RIMS2: variants seen among roughly 807,000 people sequenced by gnomAD.
The protein encoded by RIMS2 is regulating synaptic membrane exocytosis protein 2.
RIMS2 carries 59 observed loss-of-function variants against 174.4 expected under a neutral mutation model. The observed-to-expected ratio is 0.34, with a 90% CI of 0.27 to 0.42. The LOEUF (loss-of-function observed/expected upper bound fraction) is 0.42. Among genes scored for constraint, RIMS2 ranks in the 10% least tolerant of loss-of-function variants. The pLI is 1.00. For missense variants in RIMS2, 1,620 were observed against 1,666.3 expected, an observed-to-expected ratio of 0.97 and a Z score of 0.48; for synonymous variants, 606 against 572.5, an observed-to-expected ratio of 1.06 and a Z score of -0.84.
At chr8:104,161,181 A>G (rs1217266849) in intron 19 of RIMS2, among the ~76,000 whole-genome samples, 1 of 152,150 alleles carries the variant, frequency 6.6e-6, no homozygotes, top group Admixed American at 6.6e-5. Flanking sequence ...TATCATTAAT[A>G]TTATTATTAT....
At chr8:103,775,251 G>GA (rs771076800) in intron 3 of RIMS2, among the ~76,000 whole-genome samples, 20 of 151,818 alleles carry the variant, frequency 1.3e-4, no homozygotes, top group South Asian at 8.3e-4. Context: ...TATGTGGTAA[G>GA]AAAAAATAGC....
At chr8:104,006,275 C>G (rs956725364) in intron 17 of RIMS2, among the ~76,000 whole-genome samples, 1 of 151,984 alleles carries the variant, frequency 6.6e-6, no homozygotes, top group Non-Finnish European at 1.5e-5. Context: ...TCTGGCTGGG[C>G]GCGGTAGCTC....
chr8:103,868,857 A>G (rs1045487660), intron 3 of RIMS2, among the ~76,000 whole-genome samples: 1 of 152,182 alleles, frequency 6.6e-6, no homozygotes, highest in Non-Finnish European at 1.5e-5. Flanking sequence ...CTATAGTGGT[A>G]TAAGACATAG....
chr8:103,953,822 G>A (rs1368726524), intron 14 of RIMS2, among the ~76,000 whole-genome samples: 1 of 152,076 alleles, frequency 6.6e-6, no homozygotes, highest in Admixed American at 6.5e-5. Flanking sequence ...TGGATAAAGA[G>A]TCAAGACCCA....
chr8:104,094,667 G>C, intron 19 of RIMS2: 1 of 700,526 alleles, frequency 1.4e-6, no homozygotes, highest in Non-Finnish European at 2.6e-6. Flanking sequence ...ACGAGCAAGG[G>C]AAAGAAAAAG....
At chr8:103,617,316 G>T (rs1277995368) in intron 1 of RIMS2, among the ~76,000 whole-genome samples, 1 of 152,154 alleles carries the variant, frequency 6.6e-6, no homozygotes, top group Non-Finnish European at 1.5e-5. Context: ...ATATGCAGAA[G>T]ATTGAAGCTG....
intron 19 of RIMS2, among the ~76,000 whole-genome samples, chr8:104,082,252 G>A (rs1176185459): frequency 1.3e-5 from 2 of 151,284 alleles, no homozygotes; most frequent in Non-Finnish European, 3.0e-5. Flanking sequence ...AAGGAGAGAG[G>A]GAAAGAATGG....
intron 19 of RIMS2, chr8:104,223,409 C>T (rs2099165687): frequency 7.8e-7 from 1 of 1,274,848 alleles, no homozygotes; most frequent in South Asian, 2.7e-5. Context: ...CGAGCAGCCG[C>T]TCCGCCCGCC....
At chr8:103,721,557 G>A (rs775875579) in intron 2 of RIMS2, among the ~76,000 whole-genome samples, 1 of 152,210 alleles carries the variant, frequency 6.6e-6, no homozygotes, top group Non-Finnish European at 1.5e-5. Flanking sequence ...AGAGTTCACA[G>A]AAAGTTGGAG....
intron 2 of RIMS2, among the ~76,000 whole-genome samples, chr8:103,705,585 C>G (rs2097215045): frequency 6.6e-6 from 1 of 152,024 alleles, no homozygotes. Flanking sequence ...CAATCTCTCT[C>G]TTCTTTTAGA....
chr8:103,567,041 A>G (rs1377500890), intron 1 of RIMS2, among the ~76,000 whole-genome samples: 2 of 151,814 alleles, frequency 1.3e-5, no homozygotes. Flanking sequence ...CTTTCTATGG[A>G]TTTGCCTGTT....
At chr8:103,509,579 ATAT>A (rs1460199588) in intron 1 of RIMS2, among the ~76,000 whole-genome samples, 1 of 152,102 alleles carries the variant, frequency 6.6e-6, no homozygotes, top group Non-Finnish European at 1.5e-5. Context: ...GTGCATCTTT[ATAT>A]TAGCTTACTG....
chr8:103,712,485 T>C (rs961071790), intron 2 of RIMS2, among the ~76,000 whole-genome samples: 1 of 152,196 alleles, frequency 6.6e-6, no homozygotes, highest in Non-Finnish European at 1.5e-5. Context: ...GTTCCTAATC[T>C]CTTGGTGTCA....
chr8:103,917,132 T>C, intron 8 of RIMS2, among the ~76,000 whole-genome samples: 1 of 152,162 alleles, frequency 6.6e-6, no homozygotes, highest in East Asian at 1.9e-4. Context: ...TGAATTACAT[T>C]ACATGCCAAG....
intron 1 of RIMS2, among the ~76,000 whole-genome samples, chr8:103,693,990 G>T (rs1277990468): frequency 6.6e-6 from 1 of 152,162 alleles, no homozygotes; most frequent in Non-Finnish European, 1.5e-5. Flanking sequence ...TGCTTGGTTG[G>T]TCCTGGGGCC....
intron 19 of RIMS2, among the ~76,000 whole-genome samples, chr8:104,118,354 G>GTTTTTTT (rs1339363117): frequency 4.6e-5 from 5 of 108,498 alleles, no homozygotes; most frequent in African/African-American, 2.0e-4. Context: ...TTTATTTTTT[G>GTTTTTTT]TTTTTTTGTT....
chr8:103,885,689 C>T, exon 4 of RIMS2: 2 of 1,613,040 alleles, frequency 1.2e-6, no homozygotes, highest in Non-Finnish European at 8.5e-7. Context: ...CCGAGCACGG[C>T]ATGAGAGAAG....
intron 19 of RIMS2, among the ~76,000 whole-genome samples, chr8:104,080,777 T>C (rs1319700587): frequency 3.9e-5 from 6 of 152,068 alleles, no homozygotes; most frequent in Non-Finnish European, 2.9e-5. Flanking sequence ...ATTACAGATA[T>C]CATTTATTAG....
intron 1 of RIMS2, among the ~76,000 whole-genome samples, chr8:103,515,769 A>T (rs1254278150): frequency 6.6e-6 from 1 of 152,096 alleles, no homozygotes; most frequent in Non-Finnish European, 1.5e-5. Context: ...TATTTCTATA[A>T]TATTTTATAA....
Sources: allele counts gnomAD v4.1 joint callset (sites outside exome capture counted in the v4.1 genomes callset), GRCh38; gene constraint gnomAD v4.1.1; transcripts MANE v1.5; gene names NCBI Gene and HGNC (gene_info 2026-07-23, HGNC 2026-07-21).